The following RBP7 variants were observed in gnomAD, a reference collection of about 807,000 sequenced individuals.
RBP7 encodes retinol binding protein 7.
In RBP7, 13 loss-of-function variants were observed where a neutral mutation model predicts 16.7. The observed-to-expected ratio is 0.78, with a 90% CI of 0.51 to 1.24. The LOEUF (loss-of-function observed/expected upper bound fraction) is 1.24, where lower values mean the gene tolerates loss of function less well. Among genes scored for constraint, RBP7 ranks in the 50% most tolerant of loss-of-function variants. The pLI is 0.00. For missense variants in RBP7, 145 were observed against 159.5 expected (o/e 0.91, Z 0.49); for synonymous variants, 54 against 56.2 (o/e 0.96, Z 0.17).
intron 3 of RBP7, among the ~76,000 whole-genome samples, chr1:10,014,767 G>A (rs1642733126): frequency 1.3e-5 from 2 of 152,144 alleles, no homozygotes; most frequent in Admixed American, 6.6e-5. Context: ...AGCCCTTCTA[G>A]CAAATTATCA....
Position 9,999,751 on chromosome 1 carries a change from GT to G in RBP7, c.73+2421del, listed in dbSNP as rs1326759846. ...TAAGTACTTACATCAATTTGTTAAAGTGCTAAGTACTTAGGTCACACTTATA... is the reference window on the plus strand; with the variant it reads ...TAAGTACTTACATCAATTTGTTAAAGGCTAAGTACTTAGGTCACACTTATA... On this transcript the variant is annotated intron_variant, in intron 1 of 3. Transcript: ENST00000294435. Among the ~76,000 whole-genome samples, 7 of 150,736 alleles carry G rather than the reference GT, an allele frequency of 4.6e-5. No homozygotes were observed. In the Admixed American group the frequency reaches 4.7e-4, roughly 10 times the overall value.
chr1:10,010,393 G>A (rs1642580986), intron 3 of RBP7, among the ~76,000 whole-genome samples: 1 of 151,714 alleles, frequency 6.6e-6, no homozygotes, highest in African/African-American at 2.4e-5. Flanking sequence ...TGGGATTACA[G>A]GCGTGAGCCA....
rs530356170 is a variant in RBP7, at chr1:10,014,375, T to C, written c.355-1407T>C. On this transcript the variant is annotated intron_variant, in intron 3 of 3. Coordinates refer to ENST00000294435, the MANE Select transcript of RBP7 (RefSeq NM_052960.3). ...CCATCAGGCTGTTTCTTTTCTTTTC[T>C]TTTCTTTCTTTTTTCTTTTTTTTTT... 2.2e-4 allele frequency among the ~76,000 whole-genome samples: 34 copies of C among 151,686 alleles called. No individual in the cohort carries two copies. In the South Asian group the frequency reaches 5.4e-3, roughly 24 times the overall value.
chr1:10,008,771 G>C (rs912758962), intron 3 of RBP7, among the ~76,000 whole-genome samples: 2 of 151,926 alleles, frequency 1.3e-5, no homozygotes, highest in Non-Finnish European at 2.9e-5. Context: ...AAAATTAGCC[G>C]GGCATAGTGG....
chr1:10,005,399 G>A (rs962325976), intron 1 of RBP7, among the ~76,000 whole-genome samples: 4 of 151,872 alleles, frequency 2.6e-5, no homozygotes, highest in Admixed American at 6.6e-5. Flanking sequence ...ATGGGGTCTT[G>A]CTATGTTGTC....
chr1:9,998,074 C>T (rs1196497477), intron 1 of RBP7, among the ~76,000 whole-genome samples: 1 of 152,222 alleles, frequency 6.6e-6, no homozygotes. Context: ...CTGCAACCTC[C>T]GCCTCCTCGG....
At chr1:9,999,259 C>G (rs947722254) in intron 1 of RBP7, among the ~76,000 whole-genome samples, 6 of 152,124 alleles carry the variant, frequency 3.9e-5, no homozygotes, top group African/African-American at 1.4e-4. Context: ...ATAAGTTACC[C>G]ACTCTTGCCA....
In RBP7 at chr1:10,008,265, A is replaced by C. The variant is rs757667498; in HGVS notation, c.345A>C (p.Lys115Asn). The change falls in exon 3 of 4, where the codon AAA (lysine) becomes AAC (asparagine). Residue 115 changes from lysine (K) to asparagine (N), a missense_variant. Lys to Asn is a moderately conservative substitution (Grantham distance 94). Coordinates refer to ENST00000294435, the MANE Select transcript of RBP7 (RefSeq NM_052960.3). ...GGACCCATTGGATCGAAGGAGACAA[A>C]CTCCACCTGGTATCCACCACATTTT... ...RGWTHWIEGDKLHLEMFCEGQ... is the reference protein window; with the variant it reads ...RGWTHWIEGDNLHLEMFCEGQ... 1.9e-6 allele frequency: 3 copies of C among 1,600,110 alleles called. No homozygotes were observed. Among genetic ancestry groups the C allele is most frequent in the Non-Finnish European group, 2.6e-6 (3 of 1,167,844 alleles).
rs1043797587 is a variant in RBP7, at chr1:10,007,682, T to C, written c.186T>C (p.Phe62=). ...CGAACAGCAGCCTAAGGAACTACTT[T>C]GTGAAATTTAAAGTTGGAGAAGAAT... ...IHTNSSLRNY[F]VKFKVGEEFD... The change falls in exon 2 of 4, where the codon TTT becomes TTC. Residue 62 remains phenylalanine (F), a synonymous_variant. Transcript: ENST00000294435. 1.2e-6 allele frequency: 2 copies of C among 1,613,900 alleles called. No individual in the cohort carries two copies. The highest frequency in any genetic ancestry group is 1.7e-6 in the Non-Finnish European group (2 of 1,180,018).
chr1:9,997,976 G>C lies in RBP7; in HGVS notation c.73+645G>C, dbSNP rs116424714. On this transcript the variant is annotated intron_variant, in intron 1 of 3. Transcript: ENST00000294435. The surrounding 1 kb of genome is among the most constrained non-coding windows in gnomAD (Gnocchi z 5.9). ...CGACCGCCGCCTCCCACGAGGGCTGGGTGCCCGCGGCGTTCTTGCTCCCGG... is the reference window on the plus strand; with the variant it reads ...CGACCGCCGCCTCCCACGAGGGCTGCGTGCCCGCGGCGTTCTTGCTCCCGG... Among the ~76,000 whole-genome samples the C allele has an allele frequency of 6.8e-3, 1,030 of 152,206 alleles. 11 individuals are homozygous for C. Among genetic ancestry groups the C allele is most frequent in the African/African-American group, 0.023 (971 of 41,538 alleles).
chr1:9,999,881 G>A (rs1435990903), intron 1 of RBP7, among the ~76,000 whole-genome samples: 1 of 145,588 alleles, frequency 6.9e-6, no homozygotes, highest in African/African-American at 2.5e-5. Context: ...GCAGTGGCGC[G>A]ATCTCGGTGT....
chr1:9,997,754 G>A lies in RBP7; in HGVS notation c.73+423G>A, dbSNP rs1642199349. Among the ~76,000 whole-genome samples, 1 of 151,920 alleles carries A rather than the reference G, an allele frequency of 6.6e-6. No homozygotes were observed. The highest frequency in any genetic ancestry group is 2.1e-4 in the South Asian group (1 of 4,824). On this transcript the variant is annotated intron_variant, in intron 1 of 3. Coordinates refer to ENST00000294435, the MANE Select transcript of RBP7 (RefSeq NM_052960.3). This position sits in a 1 kb window ranked among gnomAD's most constrained non-coding sequence, Gnocchi z 5.9. ...CGGGGAGGGGGCGCCCGGGACCGAAGCCTCTGCCCGGCCACCCTCCCCGCA... is the reference window on the plus strand; with the variant it reads ...CGGGGAGGGGGCGCCCGGGACCGAAACCTCTGCCCGGCCACCCTCCCCGCA...
chr1:10,012,490 A>G (rs1642652388), intron 3 of RBP7, among the ~76,000 whole-genome samples: 6 of 152,120 alleles, frequency 3.9e-5, no homozygotes, highest in Admixed American at 3.9e-4. Flanking sequence ...GTAAGAGGTA[A>G]TGTTCAAATT....
intron 1 of RBP7, among the ~76,000 whole-genome samples, chr1:10,002,378 T>C (rs1304349572): frequency 1.3e-5 from 2 of 152,102 alleles, no homozygotes; most frequent in Non-Finnish European, 2.9e-5. Flanking sequence ...TGAAAAAGCA[T>C]GGCTTGACCT....
chr1:10,004,503 G>A (rs1017853581), intron 1 of RBP7, among the ~76,000 whole-genome samples: 2 of 151,682 alleles, frequency 1.3e-5, no homozygotes, highest in Non-Finnish European at 2.9e-5. Flanking sequence ...AGCCTCTGGA[G>A]TAGCTGGGAT....
At chr1:10,000,575 G>T (rs186412046) in intron 1 of RBP7, among the ~76,000 whole-genome samples, 3 of 151,802 alleles carry the variant, frequency 2.0e-5, no homozygotes, top group Admixed American at 6.6e-5. Context: ...AATTCAGCTA[G>T]CAATCTTGAA....
chr1:10,014,463 G>A (rs1642721239), intron 3 of RBP7, among the ~76,000 whole-genome samples: 1 of 150,006 alleles, frequency 6.7e-6, no homozygotes. Context: ...TTGGCTCACT[G>A]CAACCTCCGC....
intron 1 of RBP7, among the ~76,000 whole-genome samples, chr1:9,999,554 AAATAAT>A (rs901155861): frequency 1.3e-5 from 2 of 151,916 alleles, no homozygotes; most frequent in Non-Finnish European, 2.9e-5. Context: ...ACTCTGTCTA[AAATAAT>A]AATAATAATA....
Position 9,998,471 on chromosome 1 carries a change from G to A in RBP7, c.73+1140G>A, listed in dbSNP as rs528659527. Among the ~76,000 whole-genome samples, 6 of 138,848 alleles carry A rather than the reference G, an allele frequency of 4.3e-5. No homozygotes were observed. The East Asian group carries it at 1.3e-3, about 31-fold the overall frequency. The allele number at this position is 138,848 out of a possible 152,430, so 91.1% of individuals were successfully genotyped here. A position where few individuals can be genotyped will look rare whatever the true frequency, so the allele number is the denominator to read the frequency against. On this transcript the variant is annotated intron_variant, in intron 1 of 3. Transcript: ENST00000294435. ...TGCCCAGGCTGGAGTGCAGTAGTAC[G>A]ATCTCGGCTCACTGCAAGCTCCGCC... is the stretch of plus-strand genomic sequence containing the variant.
Sources: gnomAD v4.1 joint callset for allele counts (sites outside exome capture counted in the v4.1 genomes callset) on GRCh38, gnomAD v4.1.1 for gene constraint, Gnocchi (gnomAD v3.1) non-coding constraint, MANE v1.5 for transcripts, NCBI Gene and HGNC (gene_info 2026-07-23, HGNC 2026-07-21) for gene names.